The following ASNS variants were observed in gnomAD, a reference collection of about 807,000 sequenced individuals.
The protein encoded by ASNS is asparagine synthetase [glutamine-hydrolyzing].
Under a neutral mutation model 62.6 loss-of-function variants are expected in ASNS, and 37 were observed. The observed-to-expected ratio is 0.59, with a 90% confidence interval of 0.45 to 0.78. The LOEUF (loss-of-function observed/expected upper bound fraction) is 0.78, where lower values mean the gene tolerates loss of function less well. ASNS is among the 30% of genes least tolerant of loss of function. The probability of loss-of-function intolerance (pLI) is 0.00; values close to 1 mark genes in which losing one functional copy is unlikely to be tolerated. For synonymous variants in ASNS, 207 were observed against 237.9 expected (o/e 0.87, Z 1.19); for missense variants, 520 against 682.4 (o/e 0.76, Z 2.65).
At chr7:97,855,208 A>T (rs1791376302) in intron 9 of ASNS, 145 bp downstream of exon 9, 1 of 585,250 alleles carries the variant, frequency 1.7e-6, no homozygotes, top group East Asian at 2.8e-5. Context: ...CAAGAGATAG[A>T]AAGCAAACAC....
the ASNS span, among the ~76,000 whole-genome samples, chr7:97,878,179 A>G: frequency 3.2e-3 from 485 of 152,314 alleles, no homozygotes; most frequent in Middle Eastern, 6.8e-3. Context: ...AGGTCAAGAG[A>G]TCGAGACTAT....
intron 4 of ASNS, among the ~76,000 whole-genome samples, chr7:97,861,563 T>C (rs978687128): frequency 6.6e-6 from 1 of 152,218 alleles, no homozygotes; most frequent in African/African-American, 2.4e-5. Context: ...CTTATTACCA[T>C]TGTCTTGTAG....
In ASNS at chr7:97,868,949, A is replaced by T. The variant is rs535026178; in HGVS notation, c.208T>A (p.Leu70Met). The T allele has an allele frequency of 6.2e-7, 1 of 1,614,078 alleles. No individual in the cohort carries two copies. Among genetic ancestry groups the T allele is most frequent in the Non-Finnish European group, 8.5e-7 (1 of 1,180,052 alleles). The change falls in exon 3 of 13, where the codon TTG becomes ATG. Residue 70 changes from leucine to methionine, a missense_variant. Coordinates refer to ENST00000394308, the MANE Select transcript of ASNS (RefSeq NM_001673.5). ...ATTTCACCATTGTAACAGAGCCACAAATACGGATATTTCTTCACTCGAATT... is the reference window on the plus strand; with the variant it reads ...ATTTCACCATTGTAACAGAGCCACATATACGGATATTTCTTCACTCGAATT... ...QPIRVKKYPY[L>M]WLCYNGEIYN...
chr7:97,883,659 C>T, the ASNS span, among the ~76,000 whole-genome samples: 1 of 152,198 alleles, frequency 6.6e-6, no homozygotes, highest in Non-Finnish European at 1.5e-5. Flanking sequence ...CGATCACTCG[C>T]TTTCAATGGC....
the ASNS span, among the ~76,000 whole-genome samples, chr7:97,913,351 G>A: frequency 6.6e-6 from 1 of 152,170 alleles, no homozygotes; most frequent in Non-Finnish European, 1.5e-5. Flanking sequence ...ATTCAACGGG[G>A]AACTTTTTTC....
chr7:97,864,117 G>GT (rs1011155386), intron 4 of ASNS, 142 bp downstream of exon 4: 14 of 713,052 alleles, frequency 2.0e-5, no homozygotes, highest in Admixed American at 3.0e-5. Context: ...CAACTCCTCT[G>GT]TTTTTTTAAA....
chr7:97,927,107 A>T, the ASNS span, among the ~76,000 whole-genome samples: 77 of 110,522 alleles, frequency 7.0e-4, 1 homozygote, highest in African/African-American at 2.6e-3. Context: ...TTTGGTAGAT[A>T]TGAGGCTTCA....
chr7:97,890,504 A>T, the ASNS span, among the ~76,000 whole-genome samples: 2 of 152,204 alleles, frequency 1.3e-5, no homozygotes, highest in Non-Finnish European at 2.9e-5. Flanking sequence ...CTTACAGGCT[A>T]GGAGAAAAGG....
the ASNS span, among the ~76,000 whole-genome samples, chr7:97,903,126 C>T: frequency 0.26 from 39,704 of 151,990 alleles, 5,353 homozygotes; most frequent in East Asian, 0.41. Context: ...CTGACATACA[C>T]ACTATCACAC....
intron 4 of ASNS, among the ~76,000 whole-genome samples, chr7:97,861,263 C>CG (rs1562818562): frequency 6.6e-6 from 1 of 152,054 alleles, no homozygotes; most frequent in Non-Finnish European, 1.5e-5. Flanking sequence ...CCACCCGCCT[C>CG]GGCCTCCCAA....
chr7:97,858,126 C>T lies in ASNS; in HGVS notation c.903+152G>A, dbSNP rs538264133. 9 of 1,048,676 alleles carry T rather than the reference C, an allele frequency of 8.6e-6. No homozygotes were observed. In the African/African-American group the frequency reaches 1.5e-4, roughly 17 times the overall value. 65.0% of individuals were successfully genotyped at this position (1,048,676 alleles called of 1,614,324 possible). A position where few individuals can be genotyped will look rare whatever the true frequency, so the allele number is the denominator to read the frequency against. Reference sequence around the variant, plus strand: ...AGTGTACAACACAGTGCATATCCAACAGCCATTTCATTCTATTTTAATACA... The same window carrying T: ...AGTGTACAACACAGTGCATATCCAATAGCCATTTCATTCTATTTTAATACA... On this transcript the variant is annotated intron_variant, in intron 7 of 12. Coordinates refer to ENST00000394308, the MANE Select transcript of ASNS (RefSeq NM_001673.5).
the ASNS span, among the ~76,000 whole-genome samples, chr7:97,921,529 C>T: frequency 3.9e-5 from 6 of 152,158 alleles, no homozygotes; most frequent in Non-Finnish European, 7.3e-5. Context: ...CTCCAAGGAC[C>T]GATCCATCTT....
At chr7:97,885,157 G>A in the ASNS span, among the ~76,000 whole-genome samples, 1 of 152,246 alleles carries the variant, frequency 6.6e-6, no homozygotes, top group African/African-American at 2.4e-5. Flanking sequence ...GACCTTTTGT[G>A]ACTGGTTTCT....
chr7:97,896,381 G>A, the ASNS span, among the ~76,000 whole-genome samples: 2 of 150,902 alleles, frequency 1.3e-5, no homozygotes, highest in South Asian at 4.2e-4. Context: ...AAGGTCAGGA[G>A]ATCGAGACCA....
At chr7:97,889,000 G>GTGCACCTGCCCACTTGGCCCAGTGC in the ASNS span, among the ~76,000 whole-genome samples, 1 of 152,120 alleles carries the variant, frequency 6.6e-6, no homozygotes, top group African/African-American at 2.4e-5. Context: ...GAGCCCAGTG[G>GTGCACCTGCCCACTTGGCCCAGTGC]TGCACCTGCC....
chr7:97,901,253 C>T, the ASNS span, among the ~76,000 whole-genome samples: 2 of 152,088 alleles, frequency 1.3e-5, no homozygotes, highest in African/African-American at 2.4e-5. Flanking sequence ...TGGAATGCAG[C>T]GATGTGATCT....
intron 4 of ASNS, among the ~76,000 whole-genome samples, chr7:97,860,710 C>T (rs17345286): frequency 0.82 from 124,125 of 152,178 alleles, 51,282 homozygotes; most frequent in African/African-American, 0.94. Flanking sequence ...GTTACTGCTG[C>T]ACAGGTAAGG....
the ASNS span, among the ~76,000 whole-genome samples, chr7:97,904,323 G>C: frequency 3.8e-3 from 418 of 111,010 alleles, no homozygotes; most frequent in African/African-American, 0.012. Context: ...CACACAGAGA[G>C]AGAGAAATTC....
chr7:97,898,496 A>T, the ASNS span: 4 of 542,096 alleles, frequency 7.4e-6, no homozygotes, highest in Non-Finnish European at 1.4e-5. Context: ...TTTCTAATGA[A>T]GACATCATGG....
Sources: allele counts gnomAD v4.1 joint callset (sites outside exome capture counted in the v4.1 genomes callset), GRCh38; gene constraint gnomAD v4.1.1; transcripts MANE v1.5; gene names NCBI Gene and HGNC (gene_info 2026-07-23, HGNC 2026-07-21).